Variants in TRIOBP observed in about 807,000 individuals in gnomAD.
TRIOBP encodes the protein TRIO and F-actin-binding protein.
In TRIOBP, 169 loss-of-function variants were observed where a neutral mutation model predicts 238.8. That is an observed-to-expected ratio of 0.71 (90% CI 0.62 to 0.80). The LOEUF (loss-of-function observed/expected upper bound fraction) is 0.80, where lower values mean the gene tolerates loss of function less well. Ranked by LOEUF, TRIOBP falls within the 30% of genes least tolerant of loss-of-function variation. The pLI, the probability that TRIOBP is intolerant of heterozygous loss-of-function variation, is 0.00. For synonymous variants in TRIOBP, 1,150 were observed against 1,274.4 expected, an observed-to-expected ratio of 0.90 and a Z score of 2.08; for missense variants, 2,838 against 3,122.6, an observed-to-expected ratio of 0.91 and a Z score of 2.17.
chr22:37,746,466 C>T (rs1334944266), intron 11 of TRIOBP: 2 of 1,375,062 alleles, frequency 1.5e-6, no homozygotes, highest in African/African-American at 1.5e-5. Context: ...GGGAGAAGGG[C>T]GACGACCCGA....
chr22:37,741,055 T>C (rs1441588336), intron 11 of TRIOBP, 23 bp downstream of exon 11: 1 of 1,552,336 alleles, frequency 6.4e-7, no homozygotes, highest in Non-Finnish European at 8.7e-7. Context: ...CAGTGGGGAC[T>C]GGAGGGGTGA....
At chr22:37,765,348 T>A (rs1185713509) in intron 17 of TRIOBP, among the ~76,000 whole-genome samples, 1 of 152,020 alleles carries the variant, frequency 6.6e-6, no homozygotes, top group Non-Finnish European at 1.5e-5. Flanking sequence ...CTCAGAGGTG[T>A]GAACGTGCTG....
intron 6 of TRIOBP, among the ~76,000 whole-genome samples, chr22:37,720,796 A>T (rs1336656920): frequency 6.6e-6 from 1 of 152,046 alleles, no homozygotes; most frequent in Non-Finnish European, 1.5e-5. Flanking sequence ...TACAGGTGTG[A>T]GCCACTACCA....
chr22:37,715,728 C>T (rs757666721), intron 5 of TRIOBP, 35 bp from the exon 6 acceptor site: 6 of 1,608,960 alleles, frequency 3.7e-6, no homozygotes, highest in East Asian at 2.2e-5. Flanking sequence ...CTTTTTTCTC[C>T]CGCAAACATA....
intron 3 of TRIOBP, among the ~76,000 whole-genome samples, chr22:37,702,772 C>T (rs1164129954): frequency 6.6e-6 from 1 of 151,480 alleles, no homozygotes; most frequent in African/African-American, 2.4e-5. Flanking sequence ...ACCTTGGCCT[C>T]CTGAGTAGCA....
chr22:37,756,822 CAG>C (rs1174423762), intron 15 of TRIOBP, among the ~76,000 whole-genome samples: 14 of 152,328 alleles, frequency 9.2e-5, no homozygotes, highest in Admixed American at 8.5e-4. Context: ...CATAGTTGTT[CAG>C]AGTCTCTGCA....
chr22:37,738,226 TATG>T (rs1433140142), intron 9 of TRIOBP, among the ~76,000 whole-genome samples: 2 of 152,138 alleles, frequency 1.3e-5, no homozygotes, highest in Admixed American at 6.6e-5. Flanking sequence ...GTGATGAATA[TATG>T]GTGGTGGTGG....
At chr22:37,711,637 A>G (rs945169887) in intron 4 of TRIOBP, among the ~76,000 whole-genome samples, 1 of 152,082 alleles carries the variant, frequency 6.6e-6, no homozygotes, top group African/African-American at 2.4e-5. Flanking sequence ...AAAACGAAAA[A>G]AAAAACAAAG....
chr22:37,769,217 G>A (rs759033483), intron 20 of TRIOBP, 30 bp downstream of exon 20: 13 of 789,182 alleles, frequency 1.6e-5, no homozygotes, highest in Non-Finnish European at 2.3e-5. Context: ...GGGGGGACAC[G>A]GGTGGGTCCC....
At chr22:37,707,796 G>A (rs1923020928) in intron 3 of TRIOBP, among the ~76,000 whole-genome samples, 1 of 150,814 alleles carries the variant, frequency 6.6e-6, no homozygotes, top group Admixed American at 6.6e-5. Context: ...ACAAAAATTA[G>A]CTGGGTATGG....
At position 37,713,318 on chromosome 22, in the gene TRIOBP, C is replaced by T. The variant is rs201843208; in HGVS notation, c.363C>T (p.Ser121=). The T allele has an allele frequency of 7.4e-6, 12 of 1,614,090 alleles. 1 individual carries two copies. The Middle Eastern group carries it at 2.0e-3, about 266-fold the overall frequency. The change falls in exon 5 of 24, where the codon TCC becomes TCT. Residue 121 remains serine, a synonymous_variant. Coordinates refer to ENST00000644935, the MANE Select transcript of TRIOBP (RefSeq NM_001039141.3). ...CCTATCTGGAGGGCCTGACCACTTCCTTGTGTGGCAGCTGCAACGAGGACC... is the reference window on the plus strand; with the variant it reads ...CCTATCTGGAGGGCCTGACCACTTCTTTGTGTGGCAGCTGCAACGAGGACC... ...AVPYLEGLTT[S]LCGSCNEDPG...
chr22:37,750,395 C>T (rs1484578827), intron 11 of TRIOBP, among the ~76,000 whole-genome samples: 14 of 152,192 alleles, frequency 9.2e-5, no homozygotes, highest in Admixed American at 8.5e-4. Flanking sequence ...TAGATATTTC[C>T]TCAGCAAGTT....
chr22:37,769,415 CG>C, intron 21 of TRIOBP, 40 bp downstream of exon 21: 1 of 1,525,434 alleles, frequency 6.6e-7, no homozygotes. Context: ...CAGTGGTTCT[CG>C]GGGCCCGGGG....
chr22:37,713,376 G>T lies in TRIOBP; in HGVS notation c.421G>T (p.Ala141Ser). Residue 141 changes from alanine to serine, a missense_variant, in exon 5 of 24, where the codon GCC becomes TCC. Ala to Ser is a moderately conservative substitution (Grantham distance 99). Coordinates refer to ENST00000644935, the MANE Select transcript of TRIOBP (RefSeq NM_001039141.3). ...GSDPTSSPDS[A>S]TPDDTSNSSS... is the part of the protein sequence containing the mutation. ...TGACCCCACCTCCAGCCCTGACTCC[G>T]CCACCCCTGATGATACCAGCAACTC... The T allele has an allele frequency of 1.2e-6, 2 of 1,613,716 alleles. No individual in the cohort carries two copies. The highest frequency in any genetic ancestry group is 1.7e-6 in the Non-Finnish European group (2 of 1,179,982).
intron 3 of TRIOBP, among the ~76,000 whole-genome samples, chr22:37,703,818 A>T (rs1922787081): frequency 6.6e-6 from 1 of 151,996 alleles, no homozygotes; most frequent in Admixed American, 6.6e-5. Flanking sequence ...ACCAGTCTTG[A>T]TACCTCCAAT....
chr22:37,721,069 C>G (rs1354990018), intron 6 of TRIOBP, among the ~76,000 whole-genome samples: 2 of 150,968 alleles, frequency 1.3e-5, no homozygotes, highest in Non-Finnish European at 2.9e-5. Flanking sequence ...TGGGGTTTCA[C>G]CGTGTTAGCA....
intron 6 of TRIOBP, among the ~76,000 whole-genome samples, chr22:37,719,999 CCTTTTTT>C (rs1223317218): frequency 0.42 from 13,993 of 33,376 alleles, 3,008 homozygotes; most frequent in South Asian, 0.7. Context: ...CCCCCCCCGC[CCTTTTTT>C]TTTTTTTTTT....
At chr22:37,708,858 C>T (rs546964347) in intron 3 of TRIOBP, among the ~76,000 whole-genome samples, 1 of 152,310 alleles carries the variant, frequency 6.6e-6, no homozygotes, top group African/African-American at 2.4e-5. Context: ...TGGGGACTGA[C>T]CGTGGGGCCC....
At chr22:37,756,177 T>C (rs1378183545) in intron 15 of TRIOBP, among the ~76,000 whole-genome samples, 1 of 152,158 alleles carries the variant, frequency 6.6e-6, no homozygotes, top group Non-Finnish European at 1.5e-5. Context: ...TAAAGGGGGC[T>C]GGGCTGGGTG....
Sources: gnomAD v4.1 joint callset for allele counts (sites outside exome capture counted in the v4.1 genomes callset) on GRCh38, gnomAD v4.1.1 for gene constraint, MANE v1.5 for transcripts, NCBI Gene and HGNC (gene_info 2026-07-23, HGNC 2026-07-21) for gene names.